The following GPC5 variants were observed in gnomAD, a reference collection of about 807,000 sequenced individuals.
GPC5 encodes glypican 5, also known as glypican-5.
GPC5 carries 47 observed loss-of-function variants against 53.9 expected under a neutral mutation model. The observed-to-expected ratio is 0.87, with a 90% CI of 0.69 to 1.11. GPC5 has a LOEUF of 1.11. GPC5 is among the 50% of genes most tolerant of loss of function. The pLI is 0.00. For missense variants in GPC5, 748 were observed against 713.1 expected, an observed-to-expected ratio of 1.05 and a Z score of -0.56; for synonymous variants, 286 against 263.3, an observed-to-expected ratio of 1.09 and a Z score of -0.84.
At chr13:91,757,689 C>T (rs2037324934) in intron 5 of GPC5, among the ~76,000 whole-genome samples, 2 of 152,110 alleles carry the variant, frequency 1.3e-5, no homozygotes, top group Admixed American at 1.3e-4. Flanking sequence ...TCTAGCCATG[C>T]TGAACTATGA....
chr13:91,416,897 T>A (rs1878274225), intron 1 of GPC5, among the ~76,000 whole-genome samples: 1 of 152,242 alleles, frequency 6.6e-6, no homozygotes, highest in Non-Finnish European at 1.5e-5. Flanking sequence ...TTGTGAATAG[T>A]GCTGCAATCA....
chr13:92,370,678 C>A (rs948035611), intron 7 of GPC5, among the ~76,000 whole-genome samples: 9 of 152,060 alleles, frequency 5.9e-5, no homozygotes, highest in African/African-American at 2.2e-4. Flanking sequence ...ATGTTTTACT[C>A]TTTTAGAAGG....
chr13:92,257,545 G>GTTTTTTTTTTTTTTTTTTTTTTTTTTT (rs1566507028), intron 7 of GPC5, among the ~76,000 whole-genome samples: 1 of 50,054 alleles, frequency 2.0e-5, no homozygotes, highest in Non-Finnish European at 3.8e-5. Flanking sequence ...CTAATACAGG[G>GTTTTTTTTTTTTTTTTTTTTTTTTTTT]ATTTTTTTTT....
At chr13:91,702,131 G>T (rs1475371353) in intron 3 of GPC5, among the ~76,000 whole-genome samples, 1 of 151,980 alleles carries the variant, frequency 6.6e-6, no homozygotes, top group Non-Finnish European at 1.5e-5. Flanking sequence ...CCTCTGCTGT[G>T]GTTAAGGTTA....
intron 7 of GPC5, among the ~76,000 whole-genome samples, chr13:92,629,620 ATAAATAT>A (rs1360827839): frequency 1.3e-5 from 2 of 152,242 alleles, no homozygotes; most frequent in African/African-American, 4.8e-5. Flanking sequence ...AATGCAAATA[ATAAATAT>A]TAAAGTACAG....
At chr13:92,737,156 A>G (rs555561797) in intron 7 of GPC5, among the ~76,000 whole-genome samples, 2 of 152,216 alleles carry the variant, frequency 1.3e-5, no homozygotes, top group South Asian at 4.1e-4. Context: ...GATTACTGAC[A>G]ATGTACAGAC....
chr13:92,685,549 T>A (rs1887241647), intron 7 of GPC5, among the ~76,000 whole-genome samples: 2 of 134,738 alleles, frequency 1.5e-5, no homozygotes, highest in South Asian at 5.3e-4. Flanking sequence ...TGCTCATTTT[T>A]TTTTTTTTTA....
At chr13:91,779,326 A>G (rs2037759707) in intron 5 of GPC5, among the ~76,000 whole-genome samples, 1 of 151,854 alleles carries the variant, frequency 6.6e-6, no homozygotes, top group Admixed American at 6.6e-5. Context: ...TATTTTCTCT[A>G]TATTCTTAGT....
rs141314091 is a variant in GPC5, at chr13:92,515,708, A to G, written c.1562-350574A>G. The stretch of plus-strand genomic sequence containing the variant: ...ACAGTGTAATACTTTATTAACCACC[A>G]AAAATGGAAATCCTGGTTTATGGAT... On this transcript the variant is annotated intron_variant, in intron 7 of 7. Coordinates refer to ENST00000377067, the MANE Select transcript of GPC5 (RefSeq NM_004466.6). Among the ~76,000 whole-genome samples, 145 of 152,330 alleles carry G rather than the reference A, an allele frequency of 9.5e-4. No homozygotes were observed. In the East Asian group the frequency reaches 0.025, roughly 26 times the overall value.
At chr13:91,623,100 G>T (rs1324161335) in intron 2 of GPC5, among the ~76,000 whole-genome samples, 1 of 152,082 alleles carries the variant, frequency 6.6e-6, no homozygotes, top group Non-Finnish European at 1.5e-5. Flanking sequence ...CTCTGTATCT[G>T]CCTGTCATCT....
At chr13:91,479,532 G>A (rs562897631) in intron 2 of GPC5, among the ~76,000 whole-genome samples, 22 of 152,126 alleles carry the variant, frequency 1.4e-4, no homozygotes, top group African/African-American at 5.1e-4. Flanking sequence ...AAAAACAGAT[G>A]GTTATTAAAG....
intron 7 of GPC5, among the ~76,000 whole-genome samples, chr13:92,164,204 C>G (rs2042010885): frequency 6.6e-6 from 1 of 152,244 alleles, no homozygotes; most frequent in African/African-American, 2.4e-5. Flanking sequence ...AAAACACAAG[C>G]ATGCCTTTCC....
intron 7 of GPC5, among the ~76,000 whole-genome samples, chr13:92,163,409 C>T (rs7987549): frequency 0.038 from 5,511 of 146,944 alleles, 225 homozygotes; most frequent in African/African-American, 0.098. Flanking sequence ...TGCAGTGAGC[C>T]GAGATTGCAC....
intron 2 of GPC5, among the ~76,000 whole-genome samples, chr13:91,560,774 T>A (rs868614830): frequency 2.0e-5 from 3 of 149,630 alleles, no homozygotes; most frequent in South Asian, 4.2e-4. Context: ...GGAAAAAAAA[T>A]TAATGTTATA....
At chr13:92,017,155 G>C (rs953349226) in intron 6 of GPC5, among the ~76,000 whole-genome samples, 3 of 152,100 alleles carry the variant, frequency 2.0e-5, no homozygotes, top group Non-Finnish European at 2.9e-5. Context: ...ATAAAGGTTG[G>C]TTTTCCACCT....
At chr13:92,779,480 C>T (rs906062058) in intron 7 of GPC5, among the ~76,000 whole-genome samples, 11 of 152,244 alleles carry the variant, frequency 7.2e-5, no homozygotes, top group Admixed American at 7.2e-4. Flanking sequence ...CATGTTTTCC[C>T]AGGTTGCATG....
At chr13:91,573,932 A>T (rs925503313) in intron 2 of GPC5, among the ~76,000 whole-genome samples, 4 of 152,170 alleles carry the variant, frequency 2.6e-5, no homozygotes, top group African/African-American at 9.7e-5. Flanking sequence ...ATCTATGTCT[A>T]TACCTGTATC....
intron 7 of GPC5, among the ~76,000 whole-genome samples, chr13:92,618,272 C>G (rs1221351067): frequency 6.6e-6 from 1 of 151,914 alleles, no homozygotes; most frequent in Non-Finnish European, 1.5e-5. Context: ...TATTATTTTC[C>G]TACAATTGGT....
At chr13:92,000,797 T>C (rs2040547133) in intron 6 of GPC5, among the ~76,000 whole-genome samples, 1 of 152,144 alleles carries the variant, frequency 6.6e-6, no homozygotes, top group South Asian at 2.1e-4. Context: ...AGAGGAACCA[T>C]ACCTTTTATA....
Sources: allele counts gnomAD v4.1 joint callset (sites outside exome capture counted in the v4.1 genomes callset), GRCh38; gene constraint gnomAD v4.1.1; transcripts MANE v1.5; gene names NCBI Gene and HGNC (gene_info 2026-07-23, HGNC 2026-07-21).